CXXC5: variants seen among roughly 807,000 people sequenced by gnomAD.
The protein encoded by CXXC5 is CXXC finger protein 5.
A neutral mutation model predicts 17.6 loss-of-function variants in CXXC5; 2 were observed. That is an observed-to-expected ratio of 0.11 (90% confidence interval 0.05 to 0.36). The LOEUF is 0.36. CXXC5 is among the 10% of genes least tolerant of loss of function. The pLI is 1.00. For missense variants in CXXC5, 343 were observed against 458.3 expected (o/e 0.75, Z 2.30); for synonymous variants, 171 against 193.0 (o/e 0.89, Z 0.94).
Position 139,661,471 on chromosome 5 carries a change from C to T in CXXC5, c.-161+12626C>T, listed in dbSNP as rs1000029534. Among the ~76,000 whole-genome samples, 2 of 152,222 alleles carry T rather than the reference C, an allele frequency of 1.3e-5. No homozygotes were observed. The highest frequency in any genetic ancestry group is 2.4e-5 in the African/African-American group (1 of 41,448). On this transcript the variant is annotated intron_variant, in intron 1 of 2. Coordinates refer to ENST00000302517, the MANE Select transcript of CXXC5 (RefSeq NM_016463.9). The surrounding 1 kb of genome is among the most constrained non-coding windows in gnomAD (Gnocchi z 4.7). ...CACATGCACCATGCACACACAGCTC[C>T]CATGTGGTGCTCCAGAAGCACACTC... is the stretch of plus-strand genomic sequence containing the variant.
At chr5:139,664,461 C>T (rs879292696) in intron 1 of CXXC5, among the ~76,000 whole-genome samples, 1 of 152,168 alleles carries the variant, frequency 6.6e-6, no homozygotes, top group Admixed American at 6.5e-5. Flanking sequence ...CCCCCCATCC[C>T]GTGGTCCGTG....
At position 139,680,799 on chromosome 5, in the gene CXXC5, C is replaced by T. The variant is rs999081562; in HGVS notation, c.276C>T (p.Gly92=). Residue 92 remains glycine (G), a synonymous_variant, in exon 2 of 3, where the codon GGC becomes GGT. Coordinates refer to ENST00000302517, the MANE Select transcript of CXXC5 (RefSeq NM_016463.9). ...CTTTTGGCAGCAGTGGTGGTAGTGG[C>T]GGTGGCAGCATGATGGGCGGAGAGT... ...YSSFGSSGGS[G]GGSMMGGESA... is the part of the protein sequence containing the mutation. 6.8e-6 allele frequency: 11 copies of T among 1,612,862 alleles called. No individual in the cohort carries two copies. Among genetic ancestry groups the T allele is most frequent in the African/African-American group, 2.7e-5 (2 of 74,938 alleles).
intron 2 of CXXC5, 133 bp downstream of exon 2, chr5:139,681,580 C>A: frequency 1.8e-6 from 2 of 1,126,776 alleles, no homozygotes; most frequent in Non-Finnish European, 2.5e-6. Flanking sequence ...TCCTTGGGGC[C>A]TGGGGGTCTG....
chr5:139,678,081 CCT>C, intron 1 of CXXC5, among the ~76,000 whole-genome samples: 1 of 152,390 alleles, frequency 6.6e-6, no homozygotes, highest in African/African-American at 2.4e-5. Context: ...CCACAAGACA[CCT>C]GCCTTCTGCC....
At chr5:139,675,960 G>A (rs942311895) in intron 1 of CXXC5, among the ~76,000 whole-genome samples, 4 of 151,964 alleles carry the variant, frequency 2.6e-5, no homozygotes, top group Non-Finnish European at 5.9e-5. Context: ...AGAGCCTTAG[G>A]GTAGAGGCAC....
intron 1 of CXXC5, among the ~76,000 whole-genome samples, chr5:139,675,253 C>T (rs2126806196): frequency 6.6e-6 from 1 of 152,314 alleles, no homozygotes; most frequent in African/African-American, 2.4e-5. Flanking sequence ...GTGTACATGT[C>T]TGTGTGCAGA....
chr5:139,648,024 C>A (rs1754956071), upstream of CXXC5: 1 of 151,612 alleles, frequency 6.6e-6, no homozygotes, highest in Non-Finnish European at 1.5e-5. Flanking sequence ...TAAACCCAGA[C>A]CGCCTCACCA....
At position 139,668,189 on chromosome 5, in the gene CXXC5, G is replaced by A. The variant is rs537987760; in HGVS notation, c.-160-12175G>A. 6.0e-4 allele frequency among the ~76,000 whole-genome samples: 91 copies of A among 152,224 alleles called. 1 individual carries two copies. The highest frequency in any genetic ancestry group is 1.2e-3 in the Non-Finnish European group (79 of 68,010). On this transcript the variant is annotated intron_variant, in intron 1 of 2. Transcript: ENST00000302517. The surrounding 1 kb of genome is among the most constrained non-coding windows in gnomAD (Gnocchi z 4.1). ...ACCTCTGGGGCCATGAATCATTTAT[G>A]AGGCAAAAATGAAACCAATTAAGGA...
At chr5:139,666,561 C>T (rs1756124190) in intron 1 of CXXC5, among the ~76,000 whole-genome samples, 1 of 152,182 alleles carries the variant, frequency 6.6e-6, no homozygotes, top group Non-Finnish European at 1.5e-5. Context: ...ATGGCCAGGC[C>T]TGGGACAGGT....
rs1007555550 is a variant in CXXC5 at position 139,650,296 on chromosome 5, T to TG, written c.-161+1459dup. ...GTGGTCTGAGAGTCGCGCCTTCGGA[T>TG]GGGGGGGGAGCTAAGGGGGTGACCA... On this transcript the variant is annotated intron_variant, in intron 1 of 2. Transcript: ENST00000302517. Among the ~76,000 whole-genome samples, 528 of 151,218 alleles carry TG rather than the reference T, an allele frequency of 3.5e-3. 4 individuals are homozygous for TG. The highest frequency in any genetic ancestry group is 0.012 in the African/African-American group (499 of 41,256).
At chr5:139,647,461 C>A (rs907749114), upstream of CXXC5, 19 of 152,242 alleles carry the variant, frequency 1.2e-4, no homozygotes, top group African/African-American at 4.6e-4. Flanking sequence ...ACATCTGCAG[C>A]AGCAGGATTA....
chr5:139,679,285 TAG>T (rs760268039), intron 1 of CXXC5, among the ~76,000 whole-genome samples: 10 of 152,060 alleles, frequency 6.6e-5, no homozygotes, highest in Non-Finnish European at 1.3e-4. Context: ...GAGGCCTGAG[TAG>T]AGACAAGAAT....
In CXXC5 at chr5:139,683,212, C is replaced by A. The variant is rs577766232; in HGVS notation, c.*305C>A. The A allele has an allele frequency of 3.6e-6, 1 of 277,924 alleles. No homozygotes were observed. The highest frequency in any genetic ancestry group is 5.3e-5 in the Admixed American group (1 of 18,968). The allele number at this position is 277,924 out of a possible 1,614,324, so 17.2% of individuals were successfully genotyped here. A position where few individuals can be genotyped will look rare whatever the true frequency, so the allele number is the denominator to read the frequency against. ...TGGGCAAAGAATGGACAATCAGTTT[C>A]CTTCCTGTGTCGATGTCGATGTTGT... is the stretch of plus-strand genomic sequence containing the variant. On this transcript the variant is annotated 3_prime_UTR_variant, in exon 3 of 3. Coordinates refer to ENST00000302517, the MANE Select transcript of CXXC5 (RefSeq NM_016463.9).
chr5:139,671,783 C>T (rs975973061), intron 1 of CXXC5, among the ~76,000 whole-genome samples: 3 of 152,220 alleles, frequency 2.0e-5, no homozygotes, highest in African/African-American at 7.2e-5. Flanking sequence ...GGGGATTTCC[C>T]CAAGCCGAGA....
rs1173040244 is a variant in CXXC5, at chr5:139,658,484, C to T, written c.-161+9639C>T. On this transcript the variant is annotated intron_variant, in intron 1 of 2. Coordinates refer to ENST00000302517, the MANE Select transcript of CXXC5 (RefSeq NM_016463.9). The surrounding 1 kb of genome is among the most constrained non-coding windows in gnomAD (Gnocchi z 4.1). ...GAGCCCATACCTGGGACAGAAATAC[C>T]TGTTCTGCCCCTAGCCAGCCCCTCT... is the stretch of plus-strand genomic sequence containing the variant. 1.3e-5 allele frequency among the ~76,000 whole-genome samples: 2 copies of T among 152,072 alleles called. No individual in the cohort carries two copies. The highest frequency in any genetic ancestry group is 2.9e-5 in the Non-Finnish European group (2 of 67,984).
chr5:139,678,337 T>G (rs1309018791), intron 1 of CXXC5, among the ~76,000 whole-genome samples: 5 of 152,334 alleles, frequency 3.3e-5, no homozygotes, highest in East Asian at 1.9e-4. Flanking sequence ...CAGCTATCCT[T>G]GGACACACAT....
At chr5:139,677,380 C>G (rs1330375433) in intron 1 of CXXC5, among the ~76,000 whole-genome samples, 2 of 152,124 alleles carry the variant, frequency 1.3e-5, no homozygotes, top group Non-Finnish European at 2.9e-5. Flanking sequence ...AGAACGTCCC[C>G]TCTATGTCCT....
chr5:139,672,538 C>T (rs550086981), intron 1 of CXXC5, among the ~76,000 whole-genome samples: 4 of 152,244 alleles, frequency 2.6e-5, no homozygotes, highest in African/African-American at 4.8e-5. Flanking sequence ...CTGCTCAAAA[C>T]CCTTCTCTCA....
chr5:139,653,806 T>G (rs1755338630), intron 1 of CXXC5, among the ~76,000 whole-genome samples: 1 of 152,112 alleles, frequency 6.6e-6, no homozygotes, highest in South Asian at 2.1e-4. Context: ...TCGCAAATTC[T>G]TCTTCATTTC....
Sources: allele counts gnomAD v4.1 joint callset (sites outside exome capture counted in the v4.1 genomes callset), GRCh38; gene constraint gnomAD v4.1.1; non-coding constraint Gnocchi (gnomAD v3.1); transcripts MANE v1.5; gene names NCBI Gene and HGNC (gene_info 2026-07-23, HGNC 2026-07-21).